The following SLC60A1 variants were observed in gnomAD, a reference collection of about 807,000 sequenced individuals.
SLC60A1 encodes the protein solute carrier family 60 member 1.
the SLC60A1 span, among the ~76,000 whole-genome samples, chr1:205,592,524 C>G: frequency 6.6e-6 from 1 of 151,930 alleles, no homozygotes; most frequent in Non-Finnish European, 1.5e-5. Flanking sequence ...CTAATGCTAT[C>G]CCTCCCCCCT....
At chr1:205,586,324 A>G in the SLC60A1 span, 1 of 1,243,788 alleles carries the variant, frequency 8.0e-7, no homozygotes, top group Non-Finnish European at 1.1e-6. Context: ...ATGGGAACTC[A>G]GGAGTAGAGG....
the SLC60A1 span, among the ~76,000 whole-genome samples, chr1:205,575,269 C>T: frequency 5.9e-5 from 9 of 152,274 alleles, no homozygotes; most frequent in African/African-American, 1.4e-4. Context: ...CCTGGTCCTT[C>T]GAGGAAGGAG....
At chr1:205,592,668 G>C in the SLC60A1 span, among the ~76,000 whole-genome samples, 1 of 152,144 alleles carries the variant, frequency 6.6e-6, no homozygotes, top group African/African-American at 2.4e-5. Context: ...GGCGGGAGCA[G>C]GCCCACAGCC....
At chr1:205,583,735 C>T in the SLC60A1 span, among the ~76,000 whole-genome samples, 7 of 152,292 alleles carry the variant, frequency 4.6e-5, no homozygotes, top group South Asian at 4.1e-4. Context: ...TTCAGGGACG[C>T]GAGTATGGTG....
chr1:205,578,112 C>A, the SLC60A1 span, among the ~76,000 whole-genome samples: 197 of 152,222 alleles, frequency 1.3e-3, no homozygotes, highest in Non-Finnish European at 2.3e-3. Flanking sequence ...TGATAATGAG[C>A]TAGTTCTTCG....
chr1:205,586,394 T>C, the SLC60A1 span, among the ~76,000 whole-genome samples: 1 of 152,134 alleles, frequency 6.6e-6, no homozygotes, highest in African/African-American at 2.4e-5. Flanking sequence ...GGAGCCTACC[T>C]GGGTGACCAT....
the SLC60A1 span, chr1:205,569,409 G>T: frequency 1.4e-6 from 1 of 716,270 alleles, no homozygotes; most frequent in Non-Finnish European, 1.9e-6. Context: ...GCCCCGTGGG[G>T]CTGCCCGTCG....
At chr1:205,575,621 A>T in the SLC60A1 span, among the ~76,000 whole-genome samples, 1 of 152,112 alleles carries the variant, frequency 6.6e-6, no homozygotes, top group Non-Finnish European at 1.5e-5. Flanking sequence ...ATGGGGCTGA[A>T]GGGGGCAGCA....
At chr1:205,602,477 A>G in the SLC60A1 span, 3 of 152,676 alleles carry the variant, frequency 2.0e-5, no homozygotes, top group Non-Finnish European at 1.5e-5. Flanking sequence ...GAAAAAAGTA[A>G]GTGAATTTGT....
At chr1:205,591,536 A>G in the SLC60A1 span, among the ~76,000 whole-genome samples, 1 of 151,430 alleles carries the variant, frequency 6.6e-6, no homozygotes, top group East Asian at 1.9e-4. Flanking sequence ...GTCTCCAACC[A>G]TAGGTTAGCA....
the SLC60A1 span, chr1:205,580,815 A>G: frequency 1.7e-5 from 27 of 1,614,000 alleles, no homozygotes; most frequent in Non-Finnish European, 2.3e-5. This position sits in a 1 kb window ranked among gnomAD's most constrained non-coding sequence, Gnocchi z 5.0. Flanking sequence ...GGCCAGCACC[A>G]CGTAGATGCC....
the SLC60A1 span, among the ~76,000 whole-genome samples, chr1:205,593,843 G>A: frequency 0.018 from 2,681 of 152,230 alleles, 94 homozygotes; most frequent in African/African-American, 0.062. Flanking sequence ...CATTCTCTGC[G>A]CTGTTTAATA....
At chr1:205,572,824 C>T in the SLC60A1 span, among the ~76,000 whole-genome samples, 1 of 152,242 alleles carries the variant, frequency 6.6e-6, no homozygotes, top group African/African-American at 2.4e-5. Flanking sequence ...AGGGTCCCAA[C>T]TCCCAGGTAT....
chr1:205,586,257 C>T, the SLC60A1 span: 8 of 1,603,378 alleles, frequency 5.0e-6, no homozygotes, highest in Non-Finnish European at 6.0e-6. Context: ...CAGGAGAAGC[C>T]GCCTCCTCCT....
At chr1:205,599,297 G>T in the SLC60A1 span, 1 of 1,608,868 alleles carries the variant, frequency 6.2e-7, no homozygotes, top group Admixed American at 1.7e-5. Context: ...AAACAGAGCC[G>T]GGGTCGGGGA....
the SLC60A1 span, chr1:205,586,316 G>GTA: frequency 7.5e-7 from 1 of 1,331,060 alleles, no homozygotes; most frequent in Non-Finnish European, 1.0e-6. Context: ...CCAGCAGGAT[G>GTA]GGAACTCAGG....
the SLC60A1 span, chr1:205,602,176 G>A: frequency 6.6e-5 from 10 of 152,330 alleles, no homozygotes; most frequent in African/African-American, 2.2e-4. Context: ...ATATACAAAT[G>A]TACATGTATA....
At chr1:205,571,837 T>C in the SLC60A1 span, among the ~76,000 whole-genome samples, 1 of 152,250 alleles carries the variant, frequency 6.6e-6, no homozygotes, top group Non-Finnish European at 1.5e-5. Flanking sequence ...GCTAACGCTC[T>C]CACTTGGTTT....
At chr1:205,600,610 AAT>A in the SLC60A1 span, 13 of 673,610 alleles carry the variant, frequency 1.9e-5, no homozygotes, top group Non-Finnish European at 3.1e-5. Context: ...GAGGAAATTA[AAT>A]TGAGTCCTGG....
Sources: gnomAD v4.1 joint callset for allele counts (sites outside exome capture counted in the v4.1 genomes callset) on GRCh38, gnomAD v4.1.1 for gene constraint, Gnocchi (gnomAD v3.1) non-coding constraint, MANE v1.5 for transcripts, NCBI Gene and HGNC (gene_info 2026-07-23, HGNC 2026-07-21) for gene names.